PRKG1: variants seen among roughly 807,000 people sequenced by gnomAD.
The protein encoded by PRKG1 is cGMP-dependent protein kinase 1.
Under a neutral mutation model 88.1 loss-of-function variants are expected in PRKG1, and 35 were observed. That is an observed-to-expected ratio of 0.40 (90% CI 0.30 to 0.53). The LOEUF (loss-of-function observed/expected upper bound fraction) is 0.53, where lower values mean the gene tolerates loss of function less well. Among genes scored for constraint, PRKG1 ranks in the 20% least tolerant of loss-of-function variants. The pLI is 0.59. For missense variants in PRKG1, 540 were observed against 839.8 expected (o/e 0.64, Z 4.41); for synonymous variants, 303 against 292.5 (o/e 1.04, Z -0.37).
chr10:52,245,905 G>C (rs912416359), intron 9 of PRKG1, among the ~76,000 whole-genome samples: 4 of 151,952 alleles, frequency 2.6e-5, no homozygotes, highest in African/African-American at 9.7e-5. Flanking sequence ...TGTTGGCTCT[G>C]AATTACCCAT....
Position 52,277,527 on chromosome 10 carries a change from T to C in PRKG1, c.1404-3262T>C, listed in dbSNP as rs1029914052. Among the ~76,000 whole-genome samples, 23 of 152,314 alleles carry C rather than the reference T, an allele frequency of 1.5e-4. 1 individual carries two copies. The highest frequency in any genetic ancestry group is 5.5e-4 in the African/African-American group (23 of 41,592). ...TTCAGTACATGCATTATTAATTCTTTGGATCTTCACAACAACCCAGTGAGA... is the reference window on the plus strand; with the variant it reads ...TTCAGTACATGCATTATTAATTCTTCGGATCTTCACAACAACCCAGTGAGA... On this transcript the variant is annotated intron_variant, in intron 12 of 17. Transcript: ENST00000373980.
intron 2 of PRKG1, among the ~76,000 whole-genome samples, chr10:51,243,128 A>G (rs1839198298): frequency 1.3e-5 from 2 of 151,998 alleles, no homozygotes; most frequent in Admixed American, 1.3e-4. Flanking sequence ...TTGGTGGGGG[A>G]TTGTAAGCCC....
chr10:51,297,901 G>A (rs988417557), intron 2 of PRKG1, among the ~76,000 whole-genome samples: 2 of 151,952 alleles, frequency 1.3e-5, no homozygotes, highest in African/African-American at 2.4e-5. Flanking sequence ...AATAATGCAA[G>A]CAGTTCTTAA....
At chr10:51,931,637 T>G (rs769110700) in intron 5 of PRKG1, among the ~76,000 whole-genome samples, 1 of 152,132 alleles carries the variant, frequency 6.6e-6, no homozygotes, top group African/African-American at 2.4e-5. Flanking sequence ...ATGTGGGTAA[T>G]ACACCATTCT....
At chr10:51,245,504 G>T (rs1315104894) in intron 2 of PRKG1, 1 of 152,078 alleles carries the variant, frequency 6.6e-6, no homozygotes, top group Non-Finnish European at 1.5e-5. Flanking sequence ...TAATACTGAA[G>T]ATGTTGTAAA....
At chr10:51,210,117 C>T (rs1435290825) in intron 2 of PRKG1, among the ~76,000 whole-genome samples, 1 of 152,140 alleles carries the variant, frequency 6.6e-6, no homozygotes, top group Non-Finnish European at 1.5e-5. Context: ...CAAACTGTCT[C>T]TCAGACCACA....
chr10:51,226,427 G>A (rs1838695727), intron 2 of PRKG1, among the ~76,000 whole-genome samples: 1 of 152,148 alleles, frequency 6.6e-6, no homozygotes, highest in Admixed American at 6.5e-5. Context: ...TTTTTAGCAA[G>A]ATGTGCATCA....
intron 4 of PRKG1, among the ~76,000 whole-genome samples, chr10:51,885,343 C>T (rs767097203): frequency 1.3e-5 from 2 of 152,204 alleles, no homozygotes; most frequent in Admixed American, 6.5e-5. Flanking sequence ...TATTTAATGG[C>T]AGATTCTGTT....
At chr10:52,112,087 C>T (rs538161512) in intron 7 of PRKG1, among the ~76,000 whole-genome samples, 33 of 152,164 alleles carry the variant, frequency 2.2e-4, no homozygotes, top group Non-Finnish European at 4.3e-4. Flanking sequence ...TCAACACACG[C>T]CATCATTCAG....
chr10:51,808,213 A>G (rs899204091), intron 4 of PRKG1, among the ~76,000 whole-genome samples: 3 of 152,166 alleles, frequency 2.0e-5, no homozygotes, highest in Non-Finnish European at 4.4e-5. Flanking sequence ...ATAAAACTTT[A>G]AAGTTTTTTT....
intron 9 of PRKG1, among the ~76,000 whole-genome samples, chr10:52,224,808 C>CATATATATCTATATATATATATAT (rs1840342318): frequency 9.4e-6 from 1 of 106,370 alleles, no homozygotes; most frequent in African/African-American, 3.7e-5. Context: ...AGTATTCCAT[C>CATATATATCTATATATATATATAT]ATATATATAT....
chr10:51,264,065 A>T (rs559400553), intron 2 of PRKG1, among the ~76,000 whole-genome samples: 1 of 152,222 alleles, frequency 6.6e-6, no homozygotes, highest in African/African-American at 2.4e-5. Context: ...ACTTCCATCA[A>T]TCATGTCATG....
chr10:51,721,989 T>A (rs1234958309), intron 3 of PRKG1, among the ~76,000 whole-genome samples: 1 of 152,166 alleles, frequency 6.6e-6, no homozygotes, highest in Non-Finnish European at 1.5e-5. Flanking sequence ...CCCAGCACTT[T>A]GGGAGGCTGA....
chr10:51,093,458 G>A (rs1037470591), intron 1 of PRKG1, among the ~76,000 whole-genome samples: 1 of 151,946 alleles, frequency 6.6e-6, no homozygotes, highest in African/African-American at 2.4e-5. Flanking sequence ...TACTTGGCTT[G>A]TTCCCCTCCT....
chr10:51,372,326 C>A (rs373291517), intron 2 of PRKG1, among the ~76,000 whole-genome samples: 1 of 152,032 alleles, frequency 6.6e-6, no homozygotes, highest in Non-Finnish European at 1.5e-5. Flanking sequence ...TTTTAAATAT[C>A]TTTTTGCTAA....
At chr10:52,038,052 G>C (rs779289862) in intron 5 of PRKG1, among the ~76,000 whole-genome samples, 105 of 152,158 alleles carry the variant, frequency 6.9e-4, no homozygotes, top group Non-Finnish European at 1.3e-3. Context: ...GATCTTGCAG[G>C]ATGGAAAAAT....
At chr10:51,668,148 A>G (rs1840468612) in intron 3 of PRKG1, among the ~76,000 whole-genome samples, 1 of 152,228 alleles carries the variant, frequency 6.6e-6, no homozygotes, top group African/African-American at 2.4e-5. Context: ...ATCTGGCACA[A>G]GAAATTTCAA....
intron 7 of PRKG1, among the ~76,000 whole-genome samples, chr10:52,092,049 A>C (rs1295030722): frequency 1.3e-5 from 2 of 152,198 alleles, no homozygotes; most frequent in African/African-American, 4.8e-5. Context: ...ATGAGGCTGC[A>C]TTGTGAGCAT....
intron 5 of PRKG1, among the ~76,000 whole-genome samples, chr10:52,015,549 A>C (rs1286444880): frequency 6.6e-6 from 1 of 152,200 alleles, no homozygotes; most frequent in Non-Finnish European, 1.5e-5. Flanking sequence ...TGTCTTGGCT[A>C]TTAACATTTG....
Sources: gnomAD v4.1 joint callset for allele counts (sites outside exome capture counted in the v4.1 genomes callset) on GRCh38, gnomAD v4.1.1 for gene constraint, MANE v1.5 for transcripts, NCBI Gene and HGNC (gene_info 2026-07-23, HGNC 2026-07-21) for gene names.